The following KSR2 variants were observed in gnomAD, a reference collection of about 807,000 sequenced individuals.
KSR2 encodes the protein kinase suppressor of ras 2.
In KSR2, 25 loss-of-function variants were observed where a neutral mutation model predicts 107.8. The ratio of observed to expected loss-of-function variants is 0.23; its 90% CI spans 0.17 to 0.32. The LOEUF (loss-of-function observed/expected upper bound fraction) is 0.32, where lower values mean the gene tolerates loss of function less well. Ranked by LOEUF, KSR2 falls within the 10% of genes least tolerant of loss-of-function variation. The pLI is 1.00. For missense variants in KSR2, 887 were observed against 1,268.9 expected (o/e 0.70, Z 4.57); for synonymous variants, 480 against 507.0 (o/e 0.95, Z 0.71).
chr12:117,623,405 G>C (rs1005874620), intron 5 of KSR2, among the ~76,000 whole-genome samples: 1 of 152,004 alleles, frequency 6.6e-6, no homozygotes, highest in African/African-American at 2.4e-5. Context: ...ATAGGCCCCA[G>C]TGTGTGATGT....
chr12:117,786,192 T>G (rs1890067931), intron 3 of KSR2, among the ~76,000 whole-genome samples: 1 of 152,210 alleles, frequency 6.6e-6, no homozygotes, highest in Admixed American at 6.5e-5. Context: ...ATTTTGACAT[T>G]TATTCCATTT....
chr12:117,591,512 G>A (rs1880316228), intron 5 of KSR2, among the ~76,000 whole-genome samples: 1 of 152,118 alleles, frequency 6.6e-6, no homozygotes, highest in Non-Finnish European at 1.5e-5. Flanking sequence ...GCCCTGCTAG[G>A]AGTGTCTCCA....
chr12:117,830,684 T>C (rs1891930176), intron 3 of KSR2, among the ~76,000 whole-genome samples: 1 of 152,176 alleles, frequency 6.6e-6, no homozygotes, highest in South Asian at 2.1e-4. Context: ...CCTCAAGCCC[T>C]TGAGGCAGAC....
At chr12:117,670,494 A>G (rs1884861197) in intron 4 of KSR2, among the ~76,000 whole-genome samples, 1 of 152,132 alleles carries the variant, frequency 6.6e-6, no homozygotes, top group South Asian at 2.1e-4. Flanking sequence ...CCCACACCAG[A>G]CCCTGCATGT....
chr12:117,810,143 GT>G (rs990876805), intron 3 of KSR2, among the ~76,000 whole-genome samples: 11 of 151,668 alleles, frequency 7.3e-5, no homozygotes, highest in African/African-American at 2.4e-4. Context: ...ATCTCGGTTT[GT>G]TTTTTTTGTC....
intron 4 of KSR2, among the ~76,000 whole-genome samples, chr12:117,749,717 T>C (rs1364202226): frequency 2.0e-5 from 3 of 152,166 alleles, no homozygotes; most frequent in Non-Finnish European, 4.4e-5. Context: ...CACCAAAAGA[T>C]AGTCCATTTG....
At position 117,941,080 on chromosome 12, in the gene KSR2, G is replaced by A. The variant is rs529990908; in HGVS notation, c.180+26996C>T. On this transcript the variant is annotated intron_variant, in intron 1 of 19. Coordinates refer to ENST00000339824, the MANE Select transcript of KSR2 (RefSeq NM_173598.6). ...AACCTGGGTGACAGAGCAAGATTGT[G>A]TCTCAAAAAAATAATAATAATAATA... Among the ~76,000 whole-genome samples, 16 of 152,058 alleles carry A rather than the reference G, an allele frequency of 1.1e-4. No homozygotes were observed. The East Asian group carries it at 2.9e-3, about 28-fold the overall frequency.
intron 4 of KSR2, chr12:117,674,455 G>T (rs1885039953): frequency 2.2e-6 from 1 of 452,084 alleles, no homozygotes; most frequent in African/African-American, 2.0e-5. Flanking sequence ...CCTCTATCTA[G>T]TTCCAAATGC....
intron 14 of KSR2, among the ~76,000 whole-genome samples, chr12:117,524,189 C>G (rs549605144): frequency 1.3e-5 from 2 of 152,046 alleles, no homozygotes; most frequent in South Asian, 4.2e-4. Context: ...ACTATTGGGC[C>G]CCTTACAAAA....
At chr12:117,812,044 T>C (rs748537169) in intron 3 of KSR2, among the ~76,000 whole-genome samples, 15 of 152,056 alleles carry the variant, frequency 9.9e-5, no homozygotes, top group Non-Finnish European at 1.6e-4. Context: ...GCAGGCAGGA[T>C]TTTTCTTGGA....
chr12:117,703,577 G>C (rs907541895), intron 4 of KSR2, among the ~76,000 whole-genome samples: 1 of 152,152 alleles, frequency 6.6e-6, no homozygotes, highest in African/African-American at 2.4e-5. Context: ...AATAAAAACA[G>C]CAAAGAAATT....
rs541276641 is a variant in KSR2 at position 117,488,368 on chromosome 12, A to G, written c.2220-2677T>C. Among the ~76,000 whole-genome samples, 43 of 152,306 alleles carry G rather than the reference A, an allele frequency of 2.8e-4. 1 individual carries two copies. The highest frequency in any genetic ancestry group is 5.1e-4 in the African/African-American group (21 of 41,556). ...ACACATGCACTAGAATGTTAAAGCA[A>G]CCTATCTGTTGAAATCCCAAACTAG... On this transcript the variant is annotated intron_variant, in intron 14 of 19. Coordinates refer to ENST00000339824, the MANE Select transcript of KSR2 (RefSeq NM_173598.6).
chr12:117,502,881 C>T (rs1873462859), intron 14 of KSR2, among the ~76,000 whole-genome samples: 1 of 152,114 alleles, frequency 6.6e-6, no homozygotes, highest in Non-Finnish European at 1.5e-5. Context: ...CAACAAAGAA[C>T]ATTTGTGTTC....
At chr12:117,746,623 A>C (rs491888) in intron 4 of KSR2, among the ~76,000 whole-genome samples, 29,235 of 152,122 alleles carry the variant, frequency 0.19, 3,468 homozygotes, top group South Asian at 0.3. Context: ...AGCAAAAGAA[A>C]CTAGCATCAG....
At chr12:117,738,915 C>T (rs1888053446) in intron 4 of KSR2, among the ~76,000 whole-genome samples, 1 of 151,968 alleles carries the variant, frequency 6.6e-6, no homozygotes, top group African/African-American at 2.4e-5. Context: ...AGGGCACTTA[C>T]CATGATCTGA....
In KSR2 at chr12:117,968,581, G is replaced by C. The variant is rs1259760713; in HGVS notation, c.-326C>G. On this transcript the variant is annotated 5_prime_UTR_variant, in exon 1 of 20. Coordinates refer to ENST00000339824, the MANE Select transcript of KSR2 (RefSeq NM_173598.6). ...ATGTGATGCTGTCTGTACACTTAGG[G>C]AGGAGGAGGAGGAGGAAAAAGAAGA... 1.9e-5 allele frequency: 11 copies of C among 593,976 alleles called. No homozygotes were observed. The East Asian group carries it at 6.2e-4, about 34-fold the overall frequency. 36.8% of individuals were successfully genotyped at this position (593,976 alleles called of 1,614,324 possible).
intron 5 of KSR2, among the ~76,000 whole-genome samples, chr12:117,619,426 C>G (rs7296257): frequency 0.91 from 137,900 of 151,634 alleles, 62,958 homozygotes; most frequent in East Asian, 0.99. Flanking sequence ...GTGTTCTCAT[C>G]GTTCAAGTCC....
intron 14 of KSR2, among the ~76,000 whole-genome samples, chr12:117,490,413 G>C (rs1177270762): frequency 6.6e-6 from 1 of 152,204 alleles, no homozygotes; most frequent in African/African-American, 2.4e-5. Flanking sequence ...CTAGCCTAAG[G>C]ATAAGAGTCT....
intron 4 of KSR2, among the ~76,000 whole-genome samples, chr12:117,730,288 C>T (rs576900274): frequency 1.3e-5 from 2 of 152,246 alleles, no homozygotes; most frequent in South Asian, 2.1e-4. Flanking sequence ...TTCACTACAA[C>T]GGATGATGAT....
Sources: allele counts gnomAD v4.1 joint callset (sites outside exome capture counted in the v4.1 genomes callset), GRCh38; gene constraint gnomAD v4.1.1; transcripts MANE v1.5; gene names NCBI Gene and HGNC (gene_info 2026-07-23, HGNC 2026-07-21).